The following DUSP12 variants were observed in gnomAD, a reference collection of about 807,000 sequenced individuals.
DUSP12 encodes dual specificity protein phosphatase 12.
DUSP12 carries 25 observed loss-of-function variants against 38.9 expected under a neutral mutation model. The observed-to-expected ratio is 0.64, with a 90% CI of 0.47 to 0.90. The LOEUF is 0.90. Among genes scored for constraint, DUSP12 ranks in the 40% least tolerant of loss-of-function variants. The probability of loss-of-function intolerance (pLI) is 0.00; values close to 1 mark genes in which losing one functional copy is unlikely to be tolerated. For missense variants in DUSP12, 403 were observed against 427.0 expected, an observed-to-expected ratio of 0.94 and a Z score of 0.50; for synonymous variants, 153 against 153.9, an observed-to-expected ratio of 0.99 and a Z score of 0.05.
chr1:161,752,032 C>A, intron 3 of DUSP12, 48 bp downstream of exon 3: 1 of 1,263,886 alleles, frequency 7.9e-7, no homozygotes. Context: ...ATGACATTTA[C>A]TTTAGCATTG....
At position 161,751,928 on chromosome 1, in the gene DUSP12, C is replaced by T; in HGVS notation, c.521C>T (p.Thr174Ile). ...LYQAMGYEVD[T>I]SSAIYKQYRL... Reference sequence around the variant, plus strand: ...CAGGCAATGGGATACGAAGTGGATACCTCTAGTGCAATTTATAAGCAATAT... The same window carrying T: ...CAGGCAATGGGATACGAAGTGGATATCTCTAGTGCAATTTATAAGCAATAT... Residue 174 changes from threonine to isoleucine, a missense_variant, in exon 3 of 6, where the codon ACC becomes ATC. Transcript: ENST00000367943. 1 of 1,613,126 alleles carries T rather than the reference C, an allele frequency of 6.2e-7. No homozygotes were observed. The highest frequency in any genetic ancestry group is 1.1e-5 in the South Asian group (1 of 90,794).
In DUSP12 at chr1:161,756,723, A is replaced by C. The variant is rs925821279; in HGVS notation, c.862-63A>C. 42 of 1,570,164 alleles carry C rather than the reference A, an allele frequency of 2.7e-5. No homozygotes were observed. The Middle Eastern group carries it at 5.1e-4, about 19-fold the overall frequency. Reference sequence around the variant, plus strand: ...GTTTTTATATCCTATATTGATTGCCAAAGATAATGATTTGTTTTGTATAAA... The same window carrying C: ...GTTTTTATATCCTATATTGATTGCCCAAGATAATGATTTGTTTTGTATAAA... On this transcript the variant is annotated intron_variant, in intron 5 of 5. Transcript: ENST00000367943.
intron 5 of DUSP12, among the ~76,000 whole-genome samples, chr1:161,753,701 G>T (rs1027673971): frequency 1.4e-5 from 2 of 141,206 alleles, no homozygotes; most frequent in African/African-American, 5.0e-5. Context: ...CTCTATAAAA[G>T]AAAGTAAAAA....
intron 4 of DUSP12, 128 bp from the exon 5 acceptor site, chr1:161,752,947 G>A (rs537446561): frequency 7.7e-5 from 68 of 883,852 alleles, no homozygotes; most frequent in African/African-American, 1.1e-4. Flanking sequence ...CCATGATCAC[G>A]CCACTGCACT....
chr1:161,750,191 C>G, intron 1 of DUSP12, 46 bp downstream of exon 1: 1 of 1,574,282 alleles, frequency 6.4e-7, no homozygotes, highest in Non-Finnish European at 8.6e-7. Context: ...AAGCTTCCAG[C>G]CGGCCCCCGT....
At position 161,752,385 on chromosome 1, in the gene DUSP12, C is replaced by T. The variant is rs770024507; in HGVS notation, c.595C>T (p.Gln199Ter). The T allele has an allele frequency of 1.2e-6, 2 of 1,611,550 alleles. No individual in the cohort carries two copies. The highest frequency in any genetic ancestry group is 3.3e-5 in the Admixed American group (2 of 59,924). Residue 199 changes from glutamine to a stop codon, truncating the protein, a stop_gained, in exon 4 of 6, where the codon CAA becomes TAA. Coordinates refer to ENST00000367943, the MANE Select transcript of DUSP12 (RefSeq NM_007240.3). LOFTEE classifies it high-confidence loss of function. ...TCATATAGAATTGCAGAATTTACCT[C>T]AAGAACTCTTTGCTGTTGACCCAAC... ...EKYPELQNLP[Q>*]ELFAVDPTTV...
chr1:161,751,848 ATTTC>A lies in DUSP12; in HGVS notation c.459-14_459-11del, dbSNP rs1684024782. ...TAATTTTAAGAAAATGAAACTTTAT[ATTTC>A]TTTATCATTACAGGATGAATGAGGG... On this transcript the variant is annotated splice_polypyrimidine_tract_variant and intron_variant, in intron 2 of 5. Transcript: ENST00000367943. 2 of 1,603,484 alleles carry A rather than the reference ATTTC, an allele frequency of 1.2e-6. No homozygotes were observed. The highest frequency in any genetic ancestry group is 1.7e-6 in the Non-Finnish European group (2 of 1,175,578).
chr1:161,750,487 T>C (rs889814642), intron 1 of DUSP12, among the ~76,000 whole-genome samples: 4 of 152,206 alleles, frequency 2.6e-5, no homozygotes, highest in African/African-American at 9.6e-5. Flanking sequence ...TAATGCAGAT[T>C]AGGTTGCTTG....
chr1:161,755,937 A>G (rs547104077), intron 5 of DUSP12, among the ~76,000 whole-genome samples: 13 of 152,014 alleles, frequency 8.6e-5, no homozygotes, highest in Non-Finnish European at 1.8e-4. Flanking sequence ...GCTCACTGCA[A>G]CCTCCGCCTT....
intron 4 of DUSP12, 40 bp downstream of exon 4, chr1:161,752,504 C>A: frequency 7.4e-7 from 1 of 1,351,100 alleles, no homozygotes; most frequent in Non-Finnish European, 1.0e-6. Flanking sequence ...TATCTTGTCT[C>A]AGTAGCTGAA....
chr1:161,752,093 G>T, intron 3 of DUSP12, 109 bp downstream of exon 3: 1 of 848,820 alleles, frequency 1.2e-6, no homozygotes, highest in Non-Finnish European at 1.9e-6. Flanking sequence ...GTTTCTTTTT[G>T]AAACTGATTT....
At position 161,751,928 on chromosome 1, in the gene DUSP12, C is replaced by A; in HGVS notation, c.521C>A (p.Thr174Asn). Residue 174 changes from threonine (T) to asparagine (N), a missense_variant, in exon 3 of 6, where the codon ACC (threonine) becomes AAC (asparagine). Physicochemically the swap from Thr to Asn is moderately conservative, Grantham distance 65. Transcript: ENST00000367943. ...CAGGCAATGGGATACGAAGTGGATA[C>A]CTCTAGTGCAATTTATAAGCAATAT... ...LYQAMGYEVD[T>N]SSAIYKQYRL... 1 of 1,613,126 alleles carries A rather than the reference C, an allele frequency of 6.2e-7. No homozygotes were observed. Among genetic ancestry groups the A allele is most frequent in the South Asian group, 1.1e-5 (1 of 90,794 alleles).
intron 5 of DUSP12, among the ~76,000 whole-genome samples, chr1:161,755,780 C>A (rs1023279461): frequency 6.6e-6 from 1 of 152,142 alleles, no homozygotes; most frequent in Admixed American, 6.6e-5. Context: ...TATTGCTTAT[C>A]AGATTTTTTA....
chr1:161,754,330 C>CT (rs1030789409), intron 5 of DUSP12, among the ~76,000 whole-genome samples: 12 of 151,980 alleles, frequency 7.9e-5, no homozygotes, highest in East Asian at 1.9e-4. Flanking sequence ...GATAATGCTG[C>CT]TTTTTTTAAA....
chr1:161,750,092 C>T lies in DUSP12; in HGVS notation c.291C>T (p.Cys97=), dbSNP rs148273673. The T allele has an allele frequency of 9.2e-4, 1,488 of 1,613,940 alleles. 2 individuals are homozygous for T. Among genetic ancestry groups the T allele is most frequent in the Non-Finnish European group, 8.4e-4 (993 of 1,179,944 alleles). Residue 97 remains cysteine, a synonymous_variant, in exon 1 of 6, where the codon TGC becomes TGT. Coordinates refer to ENST00000367943, the MANE Select transcript of DUSP12 (RefSeq NM_007240.3). ...ACCTACTCAGCCATCTGGACCGGTG[C>T]GTGGCCTTCATCGGTCAGGCCCGCG... The part of the protein sequence containing the change: ...ETDLLSHLDR[C]VAFIGQARAE...
At chr1:161,753,747 T>C (rs1205213419) in intron 5 of DUSP12, among the ~76,000 whole-genome samples, 1 of 152,120 alleles carries the variant, frequency 6.6e-6, no homozygotes, top group Non-Finnish European at 1.5e-5. Flanking sequence ...AAAAAATGTA[T>C]TAAACAAAAT....
chr1:161,755,174 T>C (rs1684090860), intron 5 of DUSP12, among the ~76,000 whole-genome samples: 1 of 152,210 alleles, frequency 6.6e-6, no homozygotes, highest in South Asian at 2.1e-4. Flanking sequence ...GTTAGAGATT[T>C]TAATTTTGAT....
intron 1 of DUSP12, chr1:161,751,426 T>TA (rs1490394056): frequency 2.5e-6 from 1 of 395,116 alleles, no homozygotes; most frequent in Non-Finnish European, 4.4e-6. Flanking sequence ...TGAGCCATTA[T>TA]AAAAATTTTA....
chr1:161,750,075 A>T lies in DUSP12; in HGVS notation c.274A>T (p.Ser92Cys), dbSNP rs770947784. The T allele has an allele frequency of 1.2e-6, 2 of 1,613,912 alleles. No homozygotes were observed. The highest frequency in any genetic ancestry group is 2.2e-5 in the South Asian group (2 of 91,084). ...ALDKPETDLLSHLDRCVAFIG... is the reference protein window; with the variant it reads ...ALDKPETDLLCHLDRCVAFIG... ...GGACAAACCCGAGACGGACCTACTC[A>T]GCCATCTGGACCGGTGCGTGGCCTT... The change falls in exon 1 of 6, where the codon AGC (serine) becomes TGC (cysteine). Residue 92 changes from serine (S) to cysteine (C), a missense_variant. Coordinates refer to ENST00000367943, the MANE Select transcript of DUSP12 (RefSeq NM_007240.3).
Sources: gnomAD v4.1 joint callset for allele counts (sites outside exome capture counted in the v4.1 genomes callset) on GRCh38, gnomAD v4.1.1 for gene constraint, MANE v1.5 for transcripts, NCBI Gene and HGNC (gene_info 2026-07-23, HGNC 2026-07-21) for gene names.